The following IRAG1 variants were observed in gnomAD, a reference collection of about 807,000 sequenced individuals.
The protein encoded by IRAG1 is IP3R-associated cGMP kinase substrate.
IRAG1 carries 62 observed loss-of-function variants against 106.2 expected under a neutral mutation model. The ratio of observed to expected loss-of-function variants is 0.58; its 90% CI spans 0.48 to 0.72. The LOEUF is 0.72. Ranked by LOEUF, IRAG1 falls within the 30% of genes least tolerant of loss-of-function variation. IRAG1 has a pLI of 0.00. For missense variants in IRAG1, 1,064 were observed against 1,140.7 expected, an observed-to-expected ratio of 0.93 and a Z score of 0.97; for synonymous variants, 462 against 443.9, an observed-to-expected ratio of 1.04 and a Z score of -0.51.
intron 15 of IRAG1, among the ~76,000 whole-genome samples, chr11:10,600,110 G>T (rs1425174046): frequency 6.6e-6 from 1 of 152,170 alleles, no homozygotes; most frequent in South Asian, 2.1e-4. Flanking sequence ...CACTTGGGAT[G>T]TGTCTTCCTC....
At chr11:10,670,973 T>C (rs1490416205) in intron 1 of IRAG1, among the ~76,000 whole-genome samples, 2 of 152,266 alleles carry the variant, frequency 1.3e-5, no homozygotes, top group Non-Finnish European at 2.9e-5. Flanking sequence ...ACAGTAGCTC[T>C]GACAATCTAA....
Position 10,624,302 on chromosome 11 carries a change from C to T in IRAG1, c.1369-446G>A, listed in dbSNP as rs143860280. Among the ~76,000 whole-genome samples the T allele has an allele frequency of 5.3e-3, 812 of 152,248 alleles. 8 individuals carry two copies. The highest frequency in any genetic ancestry group is 9.2e-3 in the Non-Finnish European group (625 of 68,026). On this transcript the variant is annotated intron_variant, in intron 9 of 20. Transcript: ENST00000423302. ...GCTGGATCTTCCTGCCCTGTCATTCCGGGCAGTGACTGCTCACTTCCAGGA... is the reference window on the plus strand; with the variant it reads ...GCTGGATCTTCCTGCCCTGTCATTCTGGGCAGTGACTGCTCACTTCCAGGA...
chr11:10,600,790 G>T (rs1002061416), intron 15 of IRAG1, 128 bp downstream of exon 15: 14 of 1,268,420 alleles, frequency 1.1e-5, no homozygotes, highest in Non-Finnish European at 1.5e-5. Context: ...CCTGTGGGCA[G>T]CACTAGACAG....
Position 10,573,265 on chromosome 11 carries a change from G to C in IRAG1, c.*3067C>G, listed in dbSNP as rs1033158445. On this transcript the variant is annotated 3_prime_UTR_variant, in exon 21 of 21. Transcript: ENST00000423302. Reference sequence around the variant, plus strand: ...GCTGTATATGGGGAGCAACACATATGGCTTTGTGGCAGCCAGAAAGTGAAG... The same window carrying C: ...GCTGTATATGGGGAGCAACACATATCGCTTTGTGGCAGCCAGAAAGTGAAG... 6.6e-6 allele frequency: 1 copy of C among 152,186 alleles called. No homozygotes were observed. Among genetic ancestry groups the C allele is most frequent in the Non-Finnish European group, 1.5e-5 (1 of 68,020 alleles). The allele number at this position is 152,186 out of a possible 1,614,324, so 9.4% of individuals were successfully genotyped here.
At chr11:10,620,983 A>C (rs1855794975) in intron 10 of IRAG1, among the ~76,000 whole-genome samples, 1 of 152,244 alleles carries the variant, frequency 6.6e-6, no homozygotes, top group Non-Finnish European at 1.5e-5. Context: ...AACAAGTAAA[A>C]AAAAGAAGCT....
chr11:10,667,459 G>A (rs1162982020), intron 1 of IRAG1, among the ~76,000 whole-genome samples: 1 of 152,192 alleles, frequency 6.6e-6, no homozygotes, highest in Non-Finnish European at 1.5e-5. Context: ...CAGGACAGGA[G>A]GGAGGGAGCC....
chr11:10,642,759 G>A (rs958310423), intron 2 of IRAG1, among the ~76,000 whole-genome samples: 1 of 152,254 alleles, frequency 6.6e-6, no homozygotes. Context: ...GGTGCGTGCT[G>A]TGAGACTGTA....
chr11:10,691,196 A>G (rs1405930120), intron 1 of IRAG1, among the ~76,000 whole-genome samples: 2 of 152,160 alleles, frequency 1.3e-5, no homozygotes, highest in Non-Finnish European at 2.9e-5. Flanking sequence ...GCCCTGTGTA[A>G]CCAGAACCCA....
chr11:10,613,278 A>C (rs946496994), intron 10 of IRAG1, among the ~76,000 whole-genome samples: 6 of 140,764 alleles, frequency 4.3e-5, no homozygotes, highest in East Asian at 2.2e-4. Context: ...AAAAAAAAAA[A>C]CCCAGACATC....
At chr11:10,687,564 G>T in intron 1 of IRAG1, 1 of 827,736 alleles carries the variant, frequency 1.2e-6, no homozygotes, top group Non-Finnish European at 1.6e-6. Context: ...GGTGATATTA[G>T]TCTCTGAATT....
intron 16 of IRAG1, 126 bp downstream of exon 16, chr11:10,594,020 G>T: frequency 2.2e-6 from 2 of 915,048 alleles, no homozygotes; most frequent in Non-Finnish European, 1.7e-6. Flanking sequence ...GTGGAAAGCC[G>T]AATAGAAACT....
At chr11:10,629,870 A>G in intron 4 of IRAG1, 159 bp from the exon 5 acceptor site, 1 of 694,820 alleles carries the variant, frequency 1.4e-6, no homozygotes, top group East Asian at 2.8e-5. Context: ...GGGGACAGAC[A>G]GTGGCTTCCT....
At position 10,601,121 on chromosome 11, in the gene IRAG1, T is replaced by C. The variant is rs570393295; in HGVS notation, c.1876-62A>G. On this transcript the variant is annotated intron_variant, in intron 14 of 20. Transcript: ENST00000423302. ...GGAGGAAAGGCTCCGTTGGCACTTA[T>C]TTGCTCTGACCTAGGGTCTGGGCTA... 5.0e-6 allele frequency: 8 copies of C among 1,602,316 alleles called. No individual in the cohort carries two copies. In the South Asian group the frequency reaches 5.5e-5, roughly 11 times the overall value.
intron 1 of IRAG1, among the ~76,000 whole-genome samples, chr11:10,667,371 G>A (rs1859867526): frequency 6.6e-6 from 1 of 152,174 alleles, no homozygotes; most frequent in Admixed American, 6.5e-5. Context: ...CTTTGTGGTT[G>A]GGACTGGTTG....
intron 2 of IRAG1, among the ~76,000 whole-genome samples, chr11:10,634,852 T>C (rs1479383152): frequency 1.3e-5 from 2 of 152,054 alleles, no homozygotes; most frequent in East Asian, 3.8e-4. Flanking sequence ...TTGACAGACA[T>C]TTAGATTGTT....
chr11:10,680,397 G>GA (rs1365509814), intron 1 of IRAG1, among the ~76,000 whole-genome samples: 2 of 51,244 alleles, frequency 3.9e-5, no homozygotes, highest in African/African-American at 1.3e-4. Context: ...AGGAAGGAAG[G>GA]AAGGAAGGAA....
intron 17 of IRAG1, chr11:10,593,256 A>C (rs1266170372): frequency 1.4e-5 from 5 of 345,462 alleles, no homozygotes; most frequent in Non-Finnish European, 2.7e-5. Context: ...TATCATTTGC[A>C]AAGAACGCTG....
At position 10,647,253 on chromosome 11, in the gene IRAG1, C is replaced by T. The variant is rs191568581; in HGVS notation, c.225+4772G>A. 0.01 allele frequency among the ~76,000 whole-genome samples: 1,555 copies of T among 152,284 alleles called. 19 individuals are homozygous for T. Among genetic ancestry groups the T allele is most frequent in the Admixed American group, 0.019 (298 of 15,308 alleles). ...GGGGTCAGGCTGCCTGGGCCCAGAT[C>T]CTGGGCCTGCCACTTATGAGCTGTA... On this transcript the variant is annotated intron_variant, in intron 2 of 20. Transcript: ENST00000423302. The surrounding 1 kb of genome is among the most constrained non-coding windows in gnomAD (Gnocchi z 4.3).
At position 10,620,630 on chromosome 11, in the gene IRAG1, T is replaced by G. The variant is rs1393059099; in HGVS notation, c.1447+3148A>C. ...AATAATAAACTTAAAACAATGACAA[T>G]TATTGATTATTCTTACTATATTCTG... On this transcript the variant is annotated intron_variant, in intron 10 of 20. Transcript: ENST00000423302. Among the ~76,000 whole-genome samples the G allele has an allele frequency of 5.3e-5, 8 of 152,170 alleles. 1 individual carries two copies. The highest frequency in any genetic ancestry group is 5.2e-4 in the Admixed American group (8 of 15,274).
Sources: allele counts gnomAD v4.1 joint callset (sites outside exome capture counted in the v4.1 genomes callset), GRCh38; gene constraint gnomAD v4.1.1; non-coding constraint Gnocchi (gnomAD v3.1); transcripts MANE v1.5; gene names NCBI Gene and HGNC (gene_info 2026-07-23, HGNC 2026-07-21).